Variants in MAN1C1 observed in about 807,000 individuals in gnomAD.
MAN1C1 encodes mannosidase alpha class 1C member 1, also known as mannosyl-oligosaccharide 1,2-alpha-mannosidase IC.
Under a neutral mutation model 71.5 loss-of-function variants are expected in MAN1C1, and 49 were observed. That is an observed-to-expected ratio of 0.69 (90% confidence interval 0.54 to 0.87). The LOEUF (loss-of-function observed/expected upper bound fraction) is 0.87. Ranked by LOEUF, MAN1C1 falls within the 40% of genes least tolerant of loss-of-function variation. MAN1C1 has a pLI of 0.00. For missense variants in MAN1C1, 743 were observed against 835.0 expected, an observed-to-expected ratio of 0.89 and a Z score of 1.36; for synonymous variants, 352 against 343.7, an observed-to-expected ratio of 1.02 and a Z score of -0.27.
At chr1:25,655,108 A>G (rs898834399) in intron 1 of MAN1C1, among the ~76,000 whole-genome samples, 3 of 152,224 alleles carry the variant, frequency 2.0e-5, no homozygotes, top group Non-Finnish European at 4.4e-5. Flanking sequence ...AGCTGACACC[A>G]TATCTCCAAT....
chr1:25,618,774 C>T (rs572680961), intron 1 of MAN1C1, among the ~76,000 whole-genome samples: 1 of 152,168 alleles, frequency 6.6e-6, no homozygotes, highest in South Asian at 2.1e-4. Flanking sequence ...ACCTTAAGTC[C>T]AAAACCCCTA....
chr1:25,701,054 G>A (rs1170975599), intron 2 of MAN1C1, among the ~76,000 whole-genome samples: 3 of 152,390 alleles, frequency 2.0e-5, no homozygotes, highest in South Asian at 2.1e-4. Context: ...ACATGATAAT[G>A]AAGCCAGCCT....
intron 2 of MAN1C1, among the ~76,000 whole-genome samples, chr1:25,713,012 T>A (rs2046634588): frequency 6.6e-6 from 1 of 152,246 alleles, no homozygotes; most frequent in African/African-American, 2.4e-5. Flanking sequence ...TCCAATATTT[T>A]ATATTTTAGA....
chr1:25,686,539 G>A lies in MAN1C1; in HGVS notation c.637+3G>A. 1 of 1,613,802 alleles carries A rather than the reference G, an allele frequency of 6.2e-7. No individual in the cohort carries two copies. The highest frequency in any genetic ancestry group is 8.5e-7 in the Non-Finnish European group (1 of 1,179,728). On this transcript the variant is annotated splice_donor_region_variant and intron_variant, in intron 2 of 11. Coordinates refer to ENST00000374332, the MANE Select transcript of MAN1C1 (RefSeq NM_020379.4). The stretch of plus-strand genomic sequence containing the variant: ...TGGCTACGAGGGTAACATGTTCGGT[G>A]AGTCGATTCAAACCACTTTGATATT...
intron 2 of MAN1C1, among the ~76,000 whole-genome samples, chr1:25,695,969 T>A (rs541400959): frequency 6.6e-6 from 1 of 152,204 alleles, no homozygotes; most frequent in Non-Finnish European, 1.5e-5. Context: ...GAAGGGGGTA[T>A]TGGGCTGGTC....
intron 1 of MAN1C1, among the ~76,000 whole-genome samples, chr1:25,684,181 C>T (rs184515340): frequency 2.3e-4 from 35 of 152,108 alleles, no homozygotes; most frequent in Admixed American, 1.1e-3. Context: ...TGCTTGCCCC[C>T]GCCAGCCCCC....
At chr1:25,752,522 C>T (rs1307852011) in intron 4 of MAN1C1, among the ~76,000 whole-genome samples, 1 of 152,224 alleles carries the variant, frequency 6.6e-6, no homozygotes, top group Non-Finnish European at 1.5e-5. Flanking sequence ...CATTATCTAA[C>T]CACTTTCCTA....
chr1:25,662,915 T>C (rs2982310), intron 1 of MAN1C1, among the ~76,000 whole-genome samples: 147,387 of 151,958 alleles, frequency 0.97, 71,513 homozygotes, highest in East Asian at 1. Context: ...AAAAATTAGC[T>C]GGGTGTGATG....
intron 5 of MAN1C1, 23 bp from the exon 6 acceptor site, chr1:25,758,569 G>C: frequency 6.2e-7 from 1 of 1,610,534 alleles, no homozygotes; most frequent in Non-Finnish European, 8.5e-7. Context: ...GGGGGATGAC[G>C]GGGGCTGCTT....
chr1:25,783,543 G>C (rs2047725852), intron 11 of MAN1C1, 120 bp from the exon 12 acceptor site: 1 of 1,160,814 alleles, frequency 8.6e-7, no homozygotes, highest in Non-Finnish European at 1.2e-6. Flanking sequence ...GGGGTTGCAA[G>C]GCTCCAGACC....
At chr1:25,707,951 A>G (rs565081713) in intron 2 of MAN1C1, among the ~76,000 whole-genome samples, 4 of 152,312 alleles carry the variant, frequency 2.6e-5, no homozygotes, top group Admixed American at 6.5e-5. Flanking sequence ...ACCCTGTCAG[A>G]AGTCATGAAC....
At chr1:25,726,240 A>C (rs1427527332) in intron 2 of MAN1C1, among the ~76,000 whole-genome samples, 1 of 152,164 alleles carries the variant, frequency 6.6e-6, no homozygotes, top group Non-Finnish European at 1.5e-5. Flanking sequence ...ACCTGGGGAA[A>C]GGGAAAGGGA....
intron 2 of MAN1C1, among the ~76,000 whole-genome samples, chr1:25,718,747 G>T (rs1374234506): frequency 2.0e-5 from 3 of 152,078 alleles, no homozygotes; most frequent in Non-Finnish European, 4.4e-5. Context: ...CATCCACATT[G>T]TAGCATGCAT....
intron 1 of MAN1C1, among the ~76,000 whole-genome samples, chr1:25,670,193 A>T (rs569371724): frequency 5.3e-5 from 8 of 152,354 alleles, no homozygotes; most frequent in African/African-American, 1.9e-4. Context: ...TTGTGGATGC[A>T]GAGACGCCAC....
At chr1:25,622,337 C>T (rs758241967) in intron 1 of MAN1C1, among the ~76,000 whole-genome samples, 1 of 152,172 alleles carries the variant, frequency 6.6e-6, no homozygotes, top group African/African-American at 2.4e-5. Context: ...TTTAGGGGAC[C>T]CTTCTCTCTT....
In MAN1C1 at chr1:25,753,497, AG is replaced by A. The variant is rs779421201; in HGVS notation, c.850del (p.Ala284ProfsTer23). 1 of 1,613,520 alleles carries A rather than the reference AG, an allele frequency of 6.2e-7. No homozygotes were observed. Among genetic ancestry groups the A allele is most frequent in the South Asian group, 1.1e-5 (1 of 91,030 alleles). ...YLTGEEVFRI[K>X]AIRLGEKLLP... ...CCTCCTTTACAGGTGTTCCGAATAA[AG>A]GCCATCAGGCTGGGAGAGAAGCTCC... is the stretch of plus-strand genomic sequence containing the variant. On this transcript the variant is annotated frameshift_variant, in exon 5 of 12. Transcript: ENST00000374332. LOFTEE classifies it high-confidence loss of function. This position sits in a 1 kb window ranked among gnomAD's most constrained non-coding sequence, Gnocchi z 4.9.
chr1:25,778,068 G>C lies in MAN1C1; in HGVS notation c.1258-37G>C. The stretch of plus-strand genomic sequence containing the variant: ...CCCCCCCTTCTCTGTGCCCTCCCAC[G>C]CCCCTTCTCCCTGCCCAATCCCCAC... On this transcript the variant is annotated intron_variant, in intron 8 of 11. Transcript: ENST00000374332. This position sits in a 1 kb window ranked among gnomAD's most constrained non-coding sequence, Gnocchi z 5.5. 7.0e-7 allele frequency: 1 copy of C among 1,436,352 alleles called. No homozygotes were observed. Among genetic ancestry groups the C allele is most frequent in the South Asian group, 1.4e-5 (1 of 70,988 alleles). 89.0% of individuals were successfully genotyped at this position (1,436,352 alleles called of 1,614,324 possible).
chr1:25,642,205 A>G (rs1050675361), intron 1 of MAN1C1, among the ~76,000 whole-genome samples: 1 of 152,138 alleles, frequency 6.6e-6, no homozygotes, highest in Admixed American at 6.5e-5. Flanking sequence ...TGCTATTCTC[A>G]TTAGCTAAGC....
chr1:25,640,265 G>A (rs1431768663), intron 1 of MAN1C1, among the ~76,000 whole-genome samples: 15 of 152,112 alleles, frequency 9.9e-5, no homozygotes, highest in Admixed American at 9.2e-4. Context: ...ATGGGTGAAG[G>A]TGTTGAATAA....
Sources: allele counts gnomAD v4.1 joint callset (sites outside exome capture counted in the v4.1 genomes callset), GRCh38; gene constraint gnomAD v4.1.1; non-coding constraint Gnocchi (gnomAD v3.1); transcripts MANE v1.5; gene names NCBI Gene and HGNC (gene_info 2026-07-23, HGNC 2026-07-21).